The following PRKG1 variants were observed in gnomAD, a reference collection of about 807,000 sequenced individuals.
PRKG1 encodes the protein protein kinase cGMP-dependent 1.
In PRKG1, 35 loss-of-function variants were observed where a neutral mutation model predicts 88.1. That is an observed-to-expected ratio of 0.40 (90% CI 0.30 to 0.53). PRKG1 has a LOEUF of 0.53. Among genes scored for constraint, PRKG1 ranks in the 20% least tolerant of loss-of-function variants. The pLI is 0.59. For missense variants in PRKG1, 540 were observed against 839.8 expected, an observed-to-expected ratio of 0.64 and a Z score of 4.41; for synonymous variants, 303 against 292.5, an observed-to-expected ratio of 1.04 and a Z score of -0.37.
intron 5 of PRKG1, among the ~76,000 whole-genome samples, chr10:52,049,085 G>A (rs1269845757): frequency 6.6e-6 from 1 of 152,152 alleles, no homozygotes; most frequent in Admixed American, 6.6e-5. Context: ...GTTTGCAGCT[G>A]TGCTGGTTAT....
At chr10:52,278,770 G>A (rs747070230) in intron 12 of PRKG1, among the ~76,000 whole-genome samples, 1 of 151,982 alleles carries the variant, frequency 6.6e-6, no homozygotes, top group Admixed American at 6.6e-5. Context: ...GGGCATGGTG[G>A]TGCGTGCCTG....
chr10:52,271,850 A>T (rs1841737630), intron 11 of PRKG1, among the ~76,000 whole-genome samples: 1 of 152,048 alleles, frequency 6.6e-6, no homozygotes, highest in South Asian at 2.1e-4. Flanking sequence ...TTTTTTGAAG[A>T]TCTAAAAAAA....
intron 1 of PRKG1, among the ~76,000 whole-genome samples, chr10:51,107,409 A>G (rs113279646): frequency 3.4e-4 from 52 of 152,330 alleles, no homozygotes; most frequent in African/African-American, 1.1e-3. Flanking sequence ...GAAAAAAATG[A>G]GAGTAAATTA....
At chr10:52,139,913 A>T (rs1837530158) in intron 8 of PRKG1, among the ~76,000 whole-genome samples, 1 of 152,170 alleles carries the variant, frequency 6.6e-6, no homozygotes, top group Non-Finnish European at 1.5e-5. Context: ...TCATGGGACA[A>T]ATTACCTTTG....
intron 9 of PRKG1, among the ~76,000 whole-genome samples, chr10:52,166,809 G>GTGTATATATA (rs1554812280): frequency 1.4e-5 from 1 of 70,194 alleles, no homozygotes; most frequent in African/African-American, 1.1e-4. Context: ...ATATATATAT[G>GTGTATATATA]TATATATATG....
At chr10:52,147,013 C>A (rs1024187918) in intron 8 of PRKG1, among the ~76,000 whole-genome samples, 2 of 152,152 alleles carry the variant, frequency 1.3e-5, no homozygotes, top group South Asian at 2.1e-4. Context: ...TCTTTTCTTG[C>A]AGTTGAGACA....
intron 4 of PRKG1, among the ~76,000 whole-genome samples, chr10:51,895,426 C>G (rs1466133261): frequency 1.3e-5 from 2 of 152,120 alleles, no homozygotes; most frequent in South Asian, 4.1e-4. Context: ...GAGCTCACTT[C>G]CAGTATCTGC....
At chr10:51,416,750 G>A in intron 2 of PRKG1, among the ~76,000 whole-genome samples, 1 of 152,088 alleles carries the variant, frequency 6.6e-6, no homozygotes, top group Admixed American at 6.6e-5. Flanking sequence ...TGCCCTTCCA[G>A]CCATGACCCA....
intron 5 of PRKG1, among the ~76,000 whole-genome samples, chr10:52,013,917 T>A (rs570566605): frequency 2.0e-5 from 3 of 152,188 alleles, no homozygotes; most frequent in African/African-American, 7.2e-5. Flanking sequence ...GTGCACTCTA[T>A]CTTGGGTGCT....
At chr10:51,651,730 C>A (rs1019354438) in intron 3 of PRKG1, among the ~76,000 whole-genome samples, 3 of 151,842 alleles carry the variant, frequency 2.0e-5, no homozygotes, top group African/African-American at 7.3e-5. Context: ...ACTACAGGTG[C>A]ACGTCACCAT....
At chr10:52,250,983 T>C (rs1841155976) in intron 9 of PRKG1, among the ~76,000 whole-genome samples, 2 of 152,124 alleles carry the variant, frequency 1.3e-5, no homozygotes, top group South Asian at 4.1e-4. Context: ...TTTTTAGGAA[T>C]GTGACTATGC....
chr10:52,193,895 C>T (rs956642488), intron 9 of PRKG1, among the ~76,000 whole-genome samples: 6 of 151,972 alleles, frequency 3.9e-5, no homozygotes, highest in South Asian at 2.1e-4. Flanking sequence ...ATAATTTGGA[C>T]GAAACTCCAA....
Position 52,289,058 on chromosome 10 carries a change from G to A in PRKG1, c.1895+65G>A, listed in dbSNP as rs1842181791. On this transcript the variant is annotated intron_variant, in intron 16 of 17. Transcript: ENST00000373980. Reference sequence around the variant, plus strand: ...ATTTCCCCAGGGTGTTGCTTTTTAAGTTATTGGTGTAAAACTAGTATAATT... The same window carrying A: ...ATTTCCCCAGGGTGTTGCTTTTTAAATTATTGGTGTAAAACTAGTATAATT... The A allele has an allele frequency of 8.9e-6, 13 of 1,460,114 alleles. No homozygotes were observed. The Admixed American group carries it at 2.5e-4, about 28-fold the overall frequency. The allele number at this position is 1,460,114 out of a possible 1,614,324, so 90.4% of individuals were successfully genotyped here.
At chr10:52,236,198 C>G in intron 9 of PRKG1, among the ~76,000 whole-genome samples, 1 of 37,800 alleles carries the variant, frequency 2.6e-5, no homozygotes, top group Non-Finnish European at 4.9e-5. Flanking sequence ...GCACTAAATG[C>G]CCACAAGAGA....
At chr10:52,017,188 G>T (rs1197416149) in intron 5 of PRKG1, among the ~76,000 whole-genome samples, 1 of 152,174 alleles carries the variant, frequency 6.6e-6, no homozygotes. Context: ...TTTGGCTTTT[G>T]TTCTGTGTCA....
chr10:52,282,408 G>C (rs988566865), intron 14 of PRKG1, 92 bp downstream of exon 14: 2 of 1,238,142 alleles, frequency 1.6e-6, no homozygotes, highest in East Asian at 5.0e-5. Flanking sequence ...CCATCTTAAA[G>C]TACTTTTCAC....
At chr10:51,132,421 A>G (rs2131939085) in intron 1 of PRKG1, among the ~76,000 whole-genome samples, 1 of 152,294 alleles carries the variant, frequency 6.6e-6, no homozygotes, top group South Asian at 2.1e-4. Flanking sequence ...AGATTAGTAA[A>G]AGACACTGAA....
intron 3 of PRKG1, among the ~76,000 whole-genome samples, chr10:51,551,221 T>C (rs371585226): frequency 6.6e-6 from 1 of 152,002 alleles, no homozygotes; most frequent in East Asian, 1.9e-4. Context: ...ACTATTTATA[T>C]GGACCTCAAA....
At position 51,586,070 on chromosome 10, in the gene PRKG1, C is replaced by T. The variant is rs952181652; in HGVS notation, c.592+118234C>T. ...ACAGGATCAATGATACCCCAAGCCTCGGTATCACGCAACATACCCATTTTA... is the reference window on the plus strand; with the variant it reads ...ACAGGATCAATGATACCCCAAGCCTTGGTATCACGCAACATACCCATTTTA... On this transcript the variant is annotated intron_variant, in intron 3 of 17. Transcript: ENST00000373980. Among the ~76,000 whole-genome samples, 21 of 152,166 alleles carry T rather than the reference C, an allele frequency of 1.4e-4. No homozygotes were observed. In the South Asian group the frequency reaches 3.5e-3, roughly 26 times the overall value.
Sources: gnomAD v4.1 joint callset for allele counts (sites outside exome capture counted in the v4.1 genomes callset) on GRCh38, gnomAD v4.1.1 for gene constraint, MANE v1.5 for transcripts, NCBI Gene and HGNC (gene_info 2026-07-23, HGNC 2026-07-21) for gene names.